Variants in MECR observed in about 807,000 individuals in gnomAD.
MECR encodes enoyl-[acyl-carrier-protein] reductase, mitochondrial.
A neutral mutation model predicts 49.1 loss-of-function variants in MECR; 37 were observed. That is an observed-to-expected ratio of 0.75 (90% CI 0.58 to 0.99). MECR has a LOEUF of 0.99. MECR is among the 50% of genes least tolerant of loss of function. The pLI, the probability that MECR is intolerant of heterozygous loss-of-function variation, is 0.00. For synonymous variants in MECR, 198 were observed against 191.1 expected (o/e 1.04, Z -0.30); for missense variants, 470 against 479.6 (o/e 0.98, Z 0.19).
chr1:29,195,410 C>T (rs1673720720), intron 9 of MECR, among the ~76,000 whole-genome samples: 1 of 152,230 alleles, frequency 6.6e-6, no homozygotes, highest in African/African-American at 2.4e-5. Flanking sequence ...AGCCAGTCCT[C>T]CAGGAGATGA....
chr1:29,176,416 T>C, the MECR span, among the ~76,000 whole-genome samples: 1 of 150,788 alleles, frequency 6.6e-6, no homozygotes, highest in Non-Finnish European at 1.5e-5. Flanking sequence ...ATCCCTCTCA[T>C]GATTAAGAAT....
At chr1:29,198,525 C>T (rs891677484) in intron 7 of MECR, among the ~76,000 whole-genome samples, 1 of 152,224 alleles carries the variant, frequency 6.6e-6, no homozygotes, top group Non-Finnish European at 1.5e-5. Context: ...AGGTATAGGG[C>T]TGAAGCGGTG....
intron 5 of MECR, among the ~76,000 whole-genome samples, chr1:29,202,246 A>G (rs995045771): frequency 6.6e-6 from 1 of 152,236 alleles, no homozygotes; most frequent in Non-Finnish European, 1.5e-5. Context: ...CACTGGCAAC[A>G]GAGTGAGACT....
intron 1 of MECR, chr1:29,230,528 T>C: frequency 1.7e-6 from 1 of 586,132 alleles, no homozygotes. Context: ...CAGCCATTAA[T>C]ACCCTGATAA....
downstream of MECR, among the ~76,000 whole-genome samples, chr1:29,190,726 T>C (rs1196249577): frequency 6.6e-6 from 1 of 150,446 alleles, no homozygotes; most frequent in Non-Finnish European, 1.5e-5. Context: ...GAGGTGGAAA[T>C]TGCAGTGAGC....
chr1:29,187,597 AT>A, the MECR span, among the ~76,000 whole-genome samples: 4 of 149,122 alleles, frequency 2.7e-5, no homozygotes, highest in African/African-American at 4.9e-5. Flanking sequence ...CATTTATCAA[AT>A]TTTTTTTCCT....
chr1:29,207,682 G>A (rs557856548), intron 3 of MECR, among the ~76,000 whole-genome samples: 44 of 152,162 alleles, frequency 2.9e-4, no homozygotes, highest in African/African-American at 1.1e-3. Flanking sequence ...TAAGGACACA[G>A]TGAGCTATGA....
Position 29,193,908 on chromosome 1 carries a change from G to A in MECR, c.*114C>T. On this transcript the variant is annotated 3_prime_UTR_variant, in exon 10 of 10. Transcript: ENST00000263702. ...GGCTTCACCATCCTCCTAATAGGAAGAGGCAGTGAGGAGAACAGTAGTCTG... is the reference window on the plus strand; with the variant it reads ...GGCTTCACCATCCTCCTAATAGGAAAAGGCAGTGAGGAGAACAGTAGTCTG... 1 of 1,276,806 alleles carries A rather than the reference G, an allele frequency of 7.8e-7. No homozygotes were observed. Among genetic ancestry groups the A allele is most frequent in the South Asian group, 1.4e-5 (1 of 73,246 alleles). The allele number at this position is 1,276,806 out of a possible 1,614,324, so 79.1% of individuals were successfully genotyped here.
At chr1:29,179,872 C>T in the MECR span, among the ~76,000 whole-genome samples, 63 of 152,318 alleles carry the variant, frequency 4.1e-4, no homozygotes, top group African/African-American at 1.3e-3. Flanking sequence ...CAGTGGTGGA[C>T]ATTTTGTTGA....
At chr1:29,211,239 G>A (rs780145638) in intron 3 of MECR, among the ~76,000 whole-genome samples, 7 of 152,082 alleles carry the variant, frequency 4.6e-5, no homozygotes, top group East Asian at 1.9e-4. Flanking sequence ...GCCACACTTC[G>A]CTAATTTTTT....
chr1:29,188,722 CT>C (rs1403554165), downstream of MECR, among the ~76,000 whole-genome samples: 1 of 152,014 alleles, frequency 6.6e-6, no homozygotes, highest in Non-Finnish European at 1.5e-5. Flanking sequence ...TCACTACAAC[CT>C]CCACCTCCCG....
In MECR at chr1:29,217,846, A is replaced by G. The variant is rs539493125; in HGVS notation, c.177-1161T>C. ...GGGGAGATGGCCTATGTAGTTCACA[A>G]AGAACTCCCTGGATGGCTGTGATTC... is the stretch of plus-strand genomic sequence containing the variant. On this transcript the variant is annotated intron_variant, in intron 1 of 9. Transcript: ENST00000263702. Among the ~76,000 whole-genome samples, 25 of 152,276 alleles carry G rather than the reference A, an allele frequency of 1.6e-4. No individual in the cohort carries two copies. In the East Asian group the frequency reaches 3.3e-3, roughly 20 times the overall value.
chr1:29,220,769 A>AT (rs1680583791), intron 1 of MECR: 1 of 364,322 alleles, frequency 2.7e-6, no homozygotes, highest in Non-Finnish European at 3.8e-6. Context: ...GTAAAATGGG[A>AT]TAACACGAGA....
At chr1:29,196,569 T>C (rs1674051486) in intron 7 of MECR, among the ~76,000 whole-genome samples, 1 of 151,976 alleles carries the variant, frequency 6.6e-6, no homozygotes, top group South Asian at 2.1e-4. Flanking sequence ...ATGCCTGTAG[T>C]CCCAGCTTCT....
At chr1:29,190,798 TAAAAAAA>T (rs1196883134), downstream of MECR, among the ~76,000 whole-genome samples, 1 of 74,336 alleles carries the variant, frequency 1.3e-5, no homozygotes, top group Non-Finnish European at 2.9e-5. Context: ...TCTCTCCAAA[TAAAAAAA>T]AAAAAAAAAA....
Position 29,201,948 on chromosome 1 carries a change from A to G in MECR, c.751T>C (p.Phe251Leu). The G allele has an allele frequency of 6.2e-7, 1 of 1,613,694 alleles. No individual in the cohort carries two copies. The highest frequency in any genetic ancestry group is 8.5e-7 in the Non-Finnish European group (1 of 1,179,566). ...ATGTCCCTCTTCCTAGGTACCTTAA[A>G]GAAGTTTTTCATTTCGGGCCTTCTT... is the stretch of plus-strand genomic sequence containing the variant. Reference protein sequence around the residue: ...ELRRPEMKNFFKDMPQPRLAL... With the variant: ...ELRRPEMKNFLKDMPQPRLAL... The change falls in exon 6 of 10, where the codon TTT becomes CTT. Residue 251 changes from phenylalanine to leucine, a missense_variant. Physicochemically the swap from Phe to Leu is conservative, Grantham distance 22. Coordinates refer to ENST00000263702, the MANE Select transcript of MECR (RefSeq NM_016011.5). This position sits in a 1 kb window ranked among gnomAD's most constrained non-coding sequence, Gnocchi z 4.3.
the MECR span, among the ~76,000 whole-genome samples, chr1:29,174,721 T>C: frequency 6.8e-6 from 1 of 147,650 alleles, no homozygotes; most frequent in East Asian, 2.1e-4. Flanking sequence ...ATCACCAGGC[T>C]GGAGTGCAGT....
At chr1:29,182,211 A>G in the MECR span, among the ~76,000 whole-genome samples, 2 of 152,124 alleles carry the variant, frequency 1.3e-5, no homozygotes, top group Non-Finnish European at 2.9e-5. Context: ...TGTGGTTTGG[A>G]TTTCGGAGCT....
chr1:29,190,337 C>T (rs1206721795), downstream of MECR, among the ~76,000 whole-genome samples: 1 of 151,422 alleles, frequency 6.6e-6, no homozygotes, highest in Non-Finnish European at 1.5e-5. Context: ...ATCGCGCCAC[C>T]CAGACTCCGT....
Sources: allele counts gnomAD v4.1 joint callset (sites outside exome capture counted in the v4.1 genomes callset), GRCh38; gene constraint gnomAD v4.1.1; non-coding constraint Gnocchi (gnomAD v3.1); transcripts MANE v1.5; gene names NCBI Gene and HGNC (gene_info 2026-07-23, HGNC 2026-07-21).